ABCC9: variants seen among roughly 807,000 people sequenced by gnomAD.
The protein encoded by ABCC9 is ATP-binding cassette sub-family C member 9.
A neutral mutation model predicts 188.3 loss-of-function variants in ABCC9; 95 were observed. The ratio of observed to expected loss-of-function variants is 0.50; its 90% CI spans 0.43 to 0.60. ABCC9 has a LOEUF of 0.60. Ranked by LOEUF, ABCC9 falls within the 20% of genes least tolerant of loss-of-function variation. ABCC9 has a pLI of 0.00. For missense variants in ABCC9, 1,102 were observed against 1,876.3 expected (o/e 0.59, Z 7.62); for synonymous variants, 659 against 652.7 (o/e 1.01, Z -0.15).
chr12:21,856,434 T>G (rs1945228036), intron 22 of ABCC9, among the ~76,000 whole-genome samples: 3 of 152,172 alleles, frequency 2.0e-5, no homozygotes, highest in Admixed American at 2.0e-4. Flanking sequence ...ATTCTTTATA[T>G]GGATGTATTT....
chr12:21,904,654 T>G (rs902138869), intron 12 of ABCC9, among the ~76,000 whole-genome samples: 6 of 152,196 alleles, frequency 3.9e-5, no homozygotes, highest in African/African-American at 7.2e-5. Context: ...AAGACATTTA[T>G]GCAGCCAACA....
intron 12 of ABCC9, among the ~76,000 whole-genome samples, chr12:21,902,077 C>T (rs924059633): frequency 1.3e-5 from 2 of 152,156 alleles, no homozygotes; most frequent in Non-Finnish European, 2.9e-5. Context: ...TGTAAAAGAA[C>T]AGAAATTACA....
chr12:21,888,050 G>T, intron 14 of ABCC9, 116 bp from the exon 15 acceptor site: 1 of 795,118 alleles, frequency 1.3e-6, no homozygotes, highest in Non-Finnish European at 2.2e-6. Context: ...GCCTGTGAGA[G>T]TCATTTTTCA....
chr12:21,838,262 G>C (rs1349493663), intron 29 of ABCC9, 92 bp from the exon 30 acceptor site: 1 of 1,013,656 alleles, frequency 9.9e-7, no homozygotes, highest in African/African-American at 1.6e-5. Context: ...TTTTGTCACT[G>C]TATTTGTTTT....
intron 31 of ABCC9, among the ~76,000 whole-genome samples, chr12:21,819,532 G>A (rs996374918): frequency 2.0e-5 from 3 of 152,116 alleles, no homozygotes; most frequent in Admixed American, 6.6e-5. Context: ...GACCTTGCCC[G>A]TTACTAGTTA....
At chr12:21,880,544 G>A (rs1469941611) in intron 16 of ABCC9, among the ~76,000 whole-genome samples, 20 of 152,010 alleles carry the variant, frequency 1.3e-4, no homozygotes, top group Admixed American at 1.2e-3. Context: ...CAAACAACCT[G>A]GTAATTCACA....
At chr12:21,804,560 A>G (rs1484580216) in intron 39 of ABCC9, among the ~76,000 whole-genome samples, 2 of 152,208 alleles carry the variant, frequency 1.3e-5, no homozygotes, top group Non-Finnish European at 2.9e-5. Context: ...ATATGAATTG[A>G]GTTAATTGGG....
At chr12:21,881,504 AGAC>A (rs1946614819) in intron 16 of ABCC9, among the ~76,000 whole-genome samples, 1 of 152,178 alleles carries the variant, frequency 6.6e-6, no homozygotes, top group Non-Finnish European at 1.5e-5. Context: ...CACATGGAAA[AGAC>A]ATATTTTTAG....
At position 21,875,656 on chromosome 12, in the gene ABCC9, G is replaced by T; in HGVS notation, c.2090C>A (p.Thr697Lys). ...TLSNIDIRIPTGQLTMIVGQV... is the reference protein window; with the variant it reads ...TLSNIDIRIPKGQLTMIVGQV... The stretch of plus-strand genomic sequence containing the variant: ...AATGCATAACAGATAACTCTTACCT[G>T]TTGGAATTCGAATATCTATATTGGA... Residue 697 changes from threonine (T) to lysine (K), a missense_variant and splice_region_variant, in exon 17 of 40, where the codon ACA (threonine) becomes AAA (lysine). Physicochemically the swap from Thr to Lys is moderately conservative, Grantham distance 78. Around this residue, in one of 12 missense-constraint regions of ABCC9, gnomAD observed 258 missense variants for 325.6 expected, o/e 0.79. Coordinates refer to ENST00000261200, the MANE Select transcript of ABCC9 (RefSeq NM_020297.4). The T allele has an allele frequency of 3.7e-6, 6 of 1,607,548 alleles. No homozygotes were observed. Among genetic ancestry groups the T allele is most frequent in the Non-Finnish European group, 5.1e-6 (6 of 1,174,126 alleles).
Position 21,801,199 on chromosome 12 carries a change from A to C in ABCC9, c.4513-18T>G. The C allele has an allele frequency of 1.9e-6, 3 of 1,613,598 alleles. No individual in the cohort carries two copies. Among genetic ancestry groups the C allele is most frequent in the Non-Finnish European group, 2.5e-6 (3 of 1,179,834 alleles). Reference sequence around the variant, plus strand: ...ACTCGATGCTGTGAGTGAAAAGAAAACATGTATTTGTTACACATTTCAGGG... The same window carrying C: ...ACTCGATGCTGTGAGTGAAAAGAAACCATGTATTTGTTACACATTTCAGGG... On this transcript the variant is annotated intron_variant, in intron 39 of 39. Transcript: ENST00000261200.
intron 31 of ABCC9, among the ~76,000 whole-genome samples, chr12:21,820,423 T>C (rs1942970052): frequency 6.6e-6 from 1 of 152,110 alleles, no homozygotes; most frequent in Admixed American, 6.6e-5. Flanking sequence ...ATCACTCCCC[T>C]GTTTAGAATT....
chr12:21,817,382 G>T (rs755830851), intron 32 of ABCC9, 75 bp from the exon 33 acceptor site: 7 of 1,463,890 alleles, frequency 4.8e-6, no homozygotes, highest in Admixed American at 1.8e-5. Flanking sequence ...GGAAATTTTG[G>T]AACGAGATAA....
rs368297303 is a variant in ABCC9 at position 21,862,939 on chromosome 12, A to G, written c.2339+14T>C. 28 of 1,542,150 alleles carry G rather than the reference A, an allele frequency of 1.8e-5. No individual in the cohort carries two copies. Among genetic ancestry groups the G allele is most frequent in the Non-Finnish European group, 2.5e-5 (28 of 1,115,168 alleles). On this transcript the variant is annotated intron_variant, in intron 20 of 39. Transcript: ENST00000261200. ...TTGCCATTTTGGTTCTAAATTTTAT[A>G]TGCTCAAAATTACCTCTGTTTGTTA...
Position 21,899,916 on chromosome 12 carries a change from C to T in ABCC9, c.1619-4601G>A, listed in dbSNP as rs555099310. On this transcript the variant is annotated intron_variant, in intron 12 of 39. Coordinates refer to ENST00000261200, the MANE Select transcript of ABCC9 (RefSeq NM_020297.4). ...ATAGCCAAACAAAAGGCAGAAAAAA[C>T]CTCTGCAGACTTAAATGTCCCTGTC... Among the ~76,000 whole-genome samples the T allele has an allele frequency of 2.8e-4, 43 of 152,310 alleles. 1 individual carries two copies. In the South Asian group the frequency reaches 3.7e-3, roughly 13 times the overall value.
intron 14 of ABCC9, among the ~76,000 whole-genome samples, chr12:21,890,724 A>T (rs924399222): frequency 3.3e-5 from 5 of 152,076 alleles, no homozygotes; most frequent in Non-Finnish European, 7.4e-5. Context: ...GCAAGGACAA[A>T]AAACGAAACA....
At chr12:21,844,373 A>T in intron 28 of ABCC9, 110 bp downstream of exon 28, 2 of 929,972 alleles carry the variant, frequency 2.2e-6, no homozygotes, top group Non-Finnish European at 3.5e-6. Context: ...GCCTTTATTT[A>T]AATTTCAGAA....
At chr12:21,885,857 CTTT>C (rs1416250177) in intron 15 of ABCC9, among the ~76,000 whole-genome samples, 2 of 152,046 alleles carry the variant, frequency 1.3e-5, no homozygotes, top group Non-Finnish European at 2.9e-5. Context: ...ACAAGATTGC[CTTT>C]TTTAGCAGTT....
chr12:21,817,754 G>A (rs529105209), intron 32 of ABCC9, among the ~76,000 whole-genome samples: 15 of 152,070 alleles, frequency 9.9e-5, no homozygotes, highest in Non-Finnish European at 1.9e-4. Context: ...ATAAAGCTGG[G>A]TTTGGGCCCC....
At position 21,812,239 on chromosome 12, in the gene ABCC9, CTTAG is replaced by C. The variant is rs34690897; in HGVS notation, c.4103-86_4103-83del. 8,513 of 1,102,304 alleles carry C rather than the reference CTTAG, an allele frequency of 7.7e-3. 54 individuals carry two copies. Among genetic ancestry groups the C allele is most frequent in the Middle Eastern group, 0.036 (175 of 4,810 alleles). 68.3% of individuals were successfully genotyped at this position (1,102,304 alleles called of 1,614,324 possible). On this transcript the variant is annotated intron_variant, in intron 35 of 39. Coordinates refer to ENST00000261200, the MANE Select transcript of ABCC9 (RefSeq NM_020297.4). ...TTTGTTTACAAATTGAAAGTTATTT[CTTAG>C]TTAGGGGTTGAAATTCAGGAGACCC...
Sources: allele counts gnomAD v4.1 joint callset (sites outside exome capture counted in the v4.1 genomes callset), GRCh38; gene constraint gnomAD v4.1.1; regional missense constraint gnomAD v4.1.1; transcripts MANE v1.5; gene names NCBI Gene and HGNC (gene_info 2026-07-23, HGNC 2026-07-21).